Variants in PKD1L1 observed in about 807,000 individuals in gnomAD.
PKD1L1 encodes polycystin-1-like protein 1.
In PKD1L1, 236 loss-of-function variants were observed where a neutral mutation model predicts 323.4. That is an observed-to-expected ratio of 0.73 (90% CI 0.66 to 0.81). The LOEUF (loss-of-function observed/expected upper bound fraction) is 0.81, where lower values mean the gene tolerates loss of function less well. PKD1L1 is among the 40% of genes least tolerant of loss of function. PKD1L1 has a pLI of 0.00. For missense variants in PKD1L1, 3,320 were observed against 3,508.0 expected (o/e 0.95, Z 1.35); for synonymous variants, 1,344 against 1,335.0 (o/e 1.01, Z -0.15).
chr7:47,948,528 C>T, upstream of PKD1L1: 1 of 1,323,584 alleles, frequency 7.6e-7, no homozygotes, highest in Non-Finnish European at 1.1e-6. Flanking sequence ...GAGCTTAATG[C>T]TTCCAGCTTC....
rs1486754054 is a variant in PKD1L1 at position 47,815,375 on chromosome 7, A to G, written c.7048T>C (p.Tyr2350His). 1.2e-6 allele frequency: 2 copies of G among 1,614,056 alleles called. No individual in the cohort carries two copies. The highest frequency in any genetic ancestry group is 1.7e-5 in the Admixed American group (1 of 60,012). The part of the protein sequence containing the change: ...WSLTTLLDGL[Y>H]PGGTPSARVP... ...CGGGCTGACGGGGTGCCTCCCGGGT[A>G]CAGGCCATCCAGAAGTGTGGTCAGA... Residue 2350 changes from tyrosine to histidine, a missense_variant, in exon 47 of 57, where the codon TAC becomes CAC. Transcript: ENST00000289672.
chr7:47,880,267 TATATATA>T (rs1562970447), intron 21 of PKD1L1, among the ~76,000 whole-genome samples: 1,655 of 76,888 alleles, frequency 0.022, 46 homozygotes, highest in Non-Finnish European at 0.024. Flanking sequence ...TATATATACA[TATATATA>T]TATATATATA....
intron 1 of PKD1L1, among the ~76,000 whole-genome samples, chr7:47,945,910 CAGA>C (rs1251441892): frequency 6.6e-6 from 1 of 152,208 alleles, no homozygotes; most frequent in Non-Finnish European, 1.5e-5. Flanking sequence ...TTTTCTGTCT[CAGA>C]AGGTGAGAAA....
intron 1 of PKD1L1, among the ~76,000 whole-genome samples, chr7:47,948,135 G>A (rs148907608): frequency 9.3e-4 from 141 of 152,278 alleles, no homozygotes; most frequent in African/African-American, 3.2e-3. Context: ...GCATTTGCAG[G>A]AAGAGCAATC....
At chr7:47,922,472 CT>C (rs1398934409) in intron 7 of PKD1L1, among the ~76,000 whole-genome samples, 3 of 151,980 alleles carry the variant, frequency 2.0e-5, no homozygotes, top group African/African-American at 7.3e-5. Context: ...TGAGGAGCGT[CT>C]CTGCCCGGCT....
chr7:47,922,523 G>A (rs895388756), intron 7 of PKD1L1, among the ~76,000 whole-genome samples: 6 of 151,360 alleles, frequency 4.0e-5, no homozygotes, highest in East Asian at 2.0e-4. Context: ...CTGCCCCGCC[G>A]CCCCGTCTGA....
chr7:47,790,054 A>T (rs1786903613), intron 56 of PKD1L1, among the ~76,000 whole-genome samples: 1 of 151,584 alleles, frequency 6.6e-6, no homozygotes, highest in African/African-American at 2.4e-5. Context: ...ACGCCCAGCT[A>T]ATTTTTTTGT....
intron 21 of PKD1L1, among the ~76,000 whole-genome samples, chr7:47,880,282 A>ATTTTTTTTTTTTTT (rs1309864473): frequency 4.9e-4 from 34 of 69,694 alleles, no homozygotes; most frequent in African/African-American, 7.2e-4. Context: ...ATATATATAT[A>ATTTTTTTTTTTTTT]TATTTTTTTT....
chr7:47,931,418 GC>G, intron 5 of PKD1L1, 97 bp from the exon 6 acceptor site: 1 of 1,277,526 alleles, frequency 7.8e-7, no homozygotes, highest in Non-Finnish European at 1.1e-6. Context: ...TTAACAAACA[GC>G]CCCACTGCTA....
rs552903906 is a variant in PKD1L1, at chr7:47,857,104, G to A, written c.4590+501C>T. Among the ~76,000 whole-genome samples the A allele has an allele frequency of 3.2e-3, 483 of 152,344 alleles. 2 individuals are homozygous for A. The highest frequency in any genetic ancestry group is 5.4e-3 in the Non-Finnish European group (370 of 68,014). On this transcript the variant is annotated intron_variant, in intron 28 of 56. Transcript: ENST00000289672. ...CTCCTGACCTCTCAGGGAGCCAGGG[G>A]CCACCCTGCAGGTTCAGCCCAGCAG...
intron 7 of PKD1L1, among the ~76,000 whole-genome samples, chr7:47,928,062 G>A (rs183557895): frequency 3.0e-3 from 454 of 152,282 alleles, no homozygotes; most frequent in African/African-American, 0.011. Flanking sequence ...CATTTAAGTG[G>A]GCAAGGAGTG....
intron 7 of PKD1L1, among the ~76,000 whole-genome samples, chr7:47,921,372 T>C (rs1410213738): frequency 6.6e-6 from 1 of 151,012 alleles, no homozygotes; most frequent in Non-Finnish European, 1.5e-5. Context: ...ATGGCTATAA[T>C]CAAAAAATAA....
At chr7:47,865,106 T>C in intron 26 of PKD1L1, 110 bp downstream of exon 26, 1 of 761,872 alleles carries the variant, frequency 1.3e-6, no homozygotes, top group South Asian at 1.8e-5. Context: ...ATCACATTTC[T>C]AATCTAAGTG....
chr7:47,817,126 A>ACT (rs1785036218), intron 46 of PKD1L1, among the ~76,000 whole-genome samples: 1 of 152,130 alleles, frequency 6.6e-6, no homozygotes, highest in Admixed American at 6.5e-5. Flanking sequence ...AATCCCAGCT[A>ACT]CTCAGGAAGC....
At chr7:47,822,594 C>CAAAAAAA (rs745820560) in intron 45 of PKD1L1, among the ~76,000 whole-genome samples, 6 of 71,416 alleles carry the variant, frequency 8.4e-5, no homozygotes, top group Non-Finnish European at 1.2e-4. Flanking sequence ...GACTCCGTCT[C>CAAAAAAA]AAAAAAAAAA....
At chr7:47,903,689 T>C (rs1259742615) in intron 12 of PKD1L1, among the ~76,000 whole-genome samples, 2 of 152,162 alleles carry the variant, frequency 1.3e-5, no homozygotes, top group South Asian at 2.1e-4. Context: ...TCTGCACCCT[T>C]TGACATTTCC....
At chr7:47,866,696 T>C in intron 24 of PKD1L1, 82 bp from the exon 25 acceptor site, 2 of 1,236,448 alleles carry the variant, frequency 1.6e-6, no homozygotes, top group Non-Finnish European at 2.3e-6. Context: ...TGGGATGGGA[T>C]TTGTTGCAAA....
intron 52 of PKD1L1, among the ~76,000 whole-genome samples, chr7:47,804,397 T>C (rs879150146): frequency 6.6e-6 from 1 of 151,982 alleles, no homozygotes; most frequent in Admixed American, 6.6e-5. Context: ...ATAGTACATG[T>C]AAAATCATAA....
intron 14 of PKD1L1, among the ~76,000 whole-genome samples, chr7:47,896,543 G>T (rs1786940251): frequency 6.6e-6 from 1 of 151,506 alleles, no homozygotes; most frequent in South Asian, 2.1e-4. Context: ...TTAGTTGTTT[G>T]GGGGGGACTT....
Sources: gnomAD v4.1 joint callset for allele counts (sites outside exome capture counted in the v4.1 genomes callset) on GRCh38, gnomAD v4.1.1 for gene constraint, MANE v1.5 for transcripts, NCBI Gene and HGNC (gene_info 2026-07-23, HGNC 2026-07-21) for gene names.